The following WDR64 variants were observed in gnomAD, a reference collection of about 807,000 sequenced individuals.
The protein encoded by WDR64 is WD repeat-containing protein 64.
WDR64 carries 112 observed loss-of-function variants against 139.3 expected under a neutral mutation model. The ratio of observed to expected loss-of-function variants is 0.80; its 90% CI spans 0.69 to 0.94. The LOEUF (loss-of-function observed/expected upper bound fraction) is 0.94, where lower values mean the gene tolerates loss of function less well. Among genes scored for constraint, WDR64 ranks in the 40% least tolerant of loss-of-function variants. The pLI, the probability that WDR64 is intolerant of heterozygous loss-of-function variation, is 0.00. For missense variants in WDR64, 1,206 were observed against 1,293.1 expected (o/e 0.93, Z 1.03); for synonymous variants, 444 against 437.7 (o/e 1.01, Z -0.18).
At chr1:241,787,250 G>C (rs1659070329) in intron 23 of WDR64, among the ~76,000 whole-genome samples, 1 of 150,696 alleles carries the variant, frequency 6.6e-6, no homozygotes, top group African/African-American at 2.4e-5. Flanking sequence ...TGTAGTCCCA[G>C]CTACTCGGGA....
intron 1 of WDR64, 59 bp downstream of exon 1, chr1:241,652,688 T>G: frequency 6.5e-7 from 1 of 1,528,216 alleles, no homozygotes; most frequent in Admixed American, 2.1e-5. Flanking sequence ...CTGGAAAATG[T>G]TTTAAGCCAT....
intron 8 of WDR64, among the ~76,000 whole-genome samples, chr1:241,705,186 A>T (rs1463715028): frequency 6.6e-6 from 1 of 152,144 alleles, no homozygotes; most frequent in Non-Finnish European, 1.5e-5. Context: ...TTGACATGTG[A>T]CACATGTACG....
chr1:241,767,746 A>G (rs1046567589), intron 16 of WDR64, among the ~76,000 whole-genome samples: 3 of 152,158 alleles, frequency 2.0e-5, no homozygotes, highest in African/African-American at 7.2e-5. Flanking sequence ...TTGAAAGGAA[A>G]TAATCATTTA....
At chr1:241,728,243 G>A (rs775757937) in intron 10 of WDR64, among the ~76,000 whole-genome samples, 1 of 152,074 alleles carries the variant, frequency 6.6e-6, no homozygotes, top group Non-Finnish European at 1.5e-5. Context: ...TGAGGCAGGA[G>A]AATCGCTTGA....
chr1:241,736,415 T>TAAAA (rs59588872), intron 10 of WDR64, among the ~76,000 whole-genome samples: 148 of 134,640 alleles, frequency 1.1e-3, no homozygotes, highest in African/African-American at 4.0e-3. Flanking sequence ...TGGAAGAGTT[T>TAAAA]AAAAAAAAAA....
intron 13 of WDR64, among the ~76,000 whole-genome samples, chr1:241,748,983 AAAG>A (rs1669877147): frequency 6.6e-6 from 1 of 151,374 alleles, no homozygotes; most frequent in Non-Finnish European, 1.5e-5. Flanking sequence ...AAAGAAAAGA[AAAG>A]AAAAACACTC....
rs866041341 is a variant in WDR64, at chr1:241,705,550, T to A, written c.975-6252T>A. Among the ~76,000 whole-genome samples, 264 of 73,112 alleles carry A rather than the reference T, an allele frequency of 3.6e-3. 3 individuals are homozygous for A. The highest frequency in any genetic ancestry group is 0.014 in the African/African-American group (246 of 17,342). 48.0% of individuals were successfully genotyped at this position (73,112 alleles called of 152,430 possible). A position where few individuals can be genotyped will look rare whatever the true frequency, so the allele number is the denominator to read the frequency against. On this transcript the variant is annotated intron_variant, in intron 8 of 27. Transcript: ENST00000437684. ...GAGCAAGACTCTGTCTCTAAAAAAATAAATAAATAAATAATAATAATAATA... is the reference window on the plus strand; with the variant it reads ...GAGCAAGACTCTGTCTCTAAAAAAAAAAATAAATAAATAATAATAATAATA...
At chr1:241,787,697 T>C (rs981442978) in intron 23 of WDR64, 152 bp from the exon 24 acceptor site, 12 of 571,148 alleles carry the variant, frequency 2.1e-5, no homozygotes, top group Non-Finnish European at 3.5e-5. Flanking sequence ...ACATTATGAT[T>C]AGCTCCACAG....
chr1:241,751,361 A>T (rs6429304), intron 14 of WDR64, among the ~76,000 whole-genome samples: 1 of 151,980 alleles, frequency 6.6e-6, no homozygotes, highest in Non-Finnish European at 1.5e-5. Context: ...AGAAACTGGA[A>T]GGTGGGCAGG....
intron 1 of WDR64, among the ~76,000 whole-genome samples, chr1:241,659,283 C>G (rs1267383305): frequency 3.9e-5 from 6 of 152,254 alleles, no homozygotes; most frequent in African/African-American, 1.2e-4. Flanking sequence ...TGTATATATA[C>G]CACATTTTCT....
chr1:241,665,947 A>T (rs1666009584), intron 2 of WDR64, among the ~76,000 whole-genome samples: 1 of 152,200 alleles, frequency 6.6e-6, no homozygotes, highest in African/African-American at 2.4e-5. Context: ...CAAAAATGTT[A>T]AAAGAATGTT....
chr1:241,754,456 A>G (rs998631515), intron 14 of WDR64, among the ~76,000 whole-genome samples: 1 of 151,194 alleles, frequency 6.6e-6, no homozygotes, highest in African/African-American at 2.4e-5. Context: ...AGTAGCTGGG[A>G]CTACAGGCAC....
intron 11 of WDR64, among the ~76,000 whole-genome samples, chr1:241,740,623 G>A (rs1252008937): frequency 1.3e-5 from 2 of 150,614 alleles, no homozygotes; most frequent in East Asian, 3.9e-4. Flanking sequence ...TTTCAGTTTT[G>A]CTTGAGCCAC....
At position 241,787,920 on chromosome 1, in the gene WDR64, C is replaced by G. The variant is rs547770809; in HGVS notation, c.2777C>G (p.Thr926Arg). The change falls in exon 24 of 28, where the codon ACA (threonine) becomes AGA (arginine). Residue 926 changes from threonine to arginine, a missense_variant. Physicochemically the swap from Thr to Arg is moderately conservative, Grantham distance 71 (BLOSUM62 -1). Transcript: ENST00000437684. Reference sequence around the variant, plus strand: ...CGAAGGCTCTTTGAATTATCACAGACAAGAGATTTCATTTTGCCTTGTGAT... The same window carrying G: ...CGAAGGCTCTTTGAATTATCACAGAGAAGAGATTTCATTTTGCCTTGTGAT... ...GQRRLFELSQTRDFILPCDVT... is the reference protein window; with the variant it reads ...GQRRLFELSQRRDFILPCDVT... The G allele has an allele frequency of 1.1e-4, 172 of 1,612,498 alleles. No individual in the cohort carries two copies. Among genetic ancestry groups the G allele is most frequent in the Admixed American group, 8.5e-4 (51 of 59,756 alleles).
chr1:241,696,404 ATAGAG>A (rs1667488670), intron 8 of WDR64, among the ~76,000 whole-genome samples: 1 of 152,194 alleles, frequency 6.6e-6, no homozygotes, highest in African/African-American at 2.4e-5. Flanking sequence ...GGGCGAGTCC[ATAGAG>A]TAAAGTCAAA....
At chr1:241,690,634 T>C (rs1336911691) in intron 8 of WDR64, among the ~76,000 whole-genome samples, 1 of 152,152 alleles carries the variant, frequency 6.6e-6, no homozygotes, top group African/African-American at 2.4e-5. Flanking sequence ...GAATTCTGTA[T>C]ACCGTGAAAT....
chr1:241,787,373 A>T (rs1231651977), intron 23 of WDR64, among the ~76,000 whole-genome samples: 1 of 151,062 alleles, frequency 6.6e-6, no homozygotes, highest in African/African-American at 2.4e-5. Context: ...AAAAAAAAAA[A>T]AAAAATGTTG....
chr1:241,681,079 C>T (rs1322737242), intron 6 of WDR64, among the ~76,000 whole-genome samples: 6 of 151,858 alleles, frequency 4.0e-5, no homozygotes, highest in African/African-American at 1.5e-4. Context: ...CAAGGCTCTA[C>T]AGCCTCTTCT....
chr1:241,768,850 G>A (rs1402894836), intron 16 of WDR64, among the ~76,000 whole-genome samples: 1 of 152,302 alleles, frequency 6.6e-6, no homozygotes, highest in East Asian at 1.9e-4. Context: ...AGCAGCAAGA[G>A]CAGGGTCCTC....
Sources: gnomAD v4.1 joint callset for allele counts (sites outside exome capture counted in the v4.1 genomes callset) on GRCh38, gnomAD v4.1.1 for gene constraint, MANE v1.5 for transcripts, NCBI Gene and HGNC (gene_info 2026-07-23, HGNC 2026-07-21) for gene names.